AGBL4: variants seen among roughly 807,000 people sequenced by gnomAD.
The protein encoded by AGBL4 is AGBL carboxypeptidase 4.
Under a neutral mutation model 66.4 loss-of-function variants are expected in AGBL4, and 58 were observed. The ratio of observed to expected loss-of-function variants is 0.87; its 90% CI spans 0.71 to 1.09. The LOEUF (loss-of-function observed/expected upper bound fraction) is 1.09. Among genes scored for constraint, AGBL4 ranks in the 50% least tolerant of loss-of-function variants. The probability of loss-of-function intolerance (pLI) is 0.00; values close to 1 mark genes in which losing one functional copy is unlikely to be tolerated. For missense variants in AGBL4, 579 were observed against 631.0 expected (o/e 0.92, Z 0.88); for synonymous variants, 234 against 222.9 (o/e 1.05, Z -0.44).
chr1:48,776,368 C>A (rs1254578999), intron 6 of AGBL4, among the ~76,000 whole-genome samples: 2 of 152,212 alleles, frequency 1.3e-5, no homozygotes, highest in Non-Finnish European at 2.9e-5. Flanking sequence ...TGAAGACGGA[C>A]TGACAGCGCG....
chr1:50,008,007 GA>G (rs55656038), intron 1 of AGBL4, among the ~76,000 whole-genome samples: 48,591 of 151,934 alleles, frequency 0.32, 8,472 homozygotes, highest in East Asian at 0.73. Context: ...CCCCACACTG[GA>G]GCACCCAGAT....
At chr1:49,438,030 C>A (rs1645942467) in intron 3 of AGBL4, among the ~76,000 whole-genome samples, 1 of 152,160 alleles carries the variant, frequency 6.6e-6, no homozygotes, top group Non-Finnish European at 1.5e-5. Context: ...TACAGAAAGG[C>A]TAAACGACTT....
intron 11 of AGBL4, among the ~76,000 whole-genome samples, chr1:48,546,569 T>G (rs902246070): frequency 1.3e-5 from 2 of 151,408 alleles, no homozygotes; most frequent in African/African-American, 4.9e-5. Flanking sequence ...CCGCGTAGAG[T>G]GGAAGGTGAC....
rs191488991 is a variant in AGBL4 at position 49,598,512 on chromosome 1, G to A, written c.282+98801C>T. Among the ~76,000 whole-genome samples the A allele has an allele frequency of 1.2e-3, 181 of 152,302 alleles. 1 individual carries two copies. The highest frequency in any genetic ancestry group is 5.4e-3 in the East Asian group (28 of 5,170). On this transcript the variant is annotated intron_variant, in intron 3 of 13. Coordinates refer to ENST00000371839, the MANE Select transcript of AGBL4 (RefSeq NM_032785.4). ...CCCTGTTTGCCTGGGTATCAGCAGCGGTGGCTGGAGAACAGCGGATTTTCG... is the reference window on the plus strand; with the variant it reads ...CCCTGTTTGCCTGGGTATCAGCAGCAGTGGCTGGAGAACAGCGGATTTTCG...
intron 6 of AGBL4, among the ~76,000 whole-genome samples, chr1:48,735,506 G>A (rs1648890466): frequency 6.6e-6 from 1 of 150,854 alleles, no homozygotes; most frequent in Non-Finnish European, 1.5e-5. Context: ...GAGGAAGGAA[G>A]GAGGGAAGAA....
intron 6 of AGBL4, among the ~76,000 whole-genome samples, chr1:48,860,393 G>A (rs1248950900): frequency 6.6e-6 from 1 of 152,188 alleles, no homozygotes; most frequent in African/African-American, 2.4e-5. Flanking sequence ...ATGCAAAAGG[G>A]TAAGTGGTTC....
intron 1 of AGBL4, among the ~76,000 whole-genome samples, chr1:49,897,427 T>C (rs571901733): frequency 8.6e-5 from 13 of 151,928 alleles, no homozygotes; most frequent in Non-Finnish European, 1.6e-4. Context: ...AAATAAAAAC[T>C]ATAAAAAATT....
chr1:48,984,754 G>A (rs773391963), intron 5 of AGBL4, among the ~76,000 whole-genome samples: 9 of 151,630 alleles, frequency 5.9e-5, no homozygotes, highest in Admixed American at 2.6e-4. Flanking sequence ...TCTGACCTAC[G>A]GTGAAAGTTG....
At chr1:49,895,650 C>T (rs948680205) in intron 1 of AGBL4, among the ~76,000 whole-genome samples, 2 of 151,946 alleles carry the variant, frequency 1.3e-5, no homozygotes, top group Non-Finnish European at 2.9e-5. Flanking sequence ...AAGTTGTCAT[C>T]AGTTGAGAAT....
chr1:49,045,435 T>C (rs961119712), intron 5 of AGBL4, 149 bp downstream of exon 5: 11 of 583,620 alleles, frequency 1.9e-5, no homozygotes, highest in Admixed American at 9.8e-5. Flanking sequence ...ATACTAATTA[T>C]ATAATTGTTT....
chr1:49,514,465 G>A (rs905746577), intron 3 of AGBL4, among the ~76,000 whole-genome samples: 1 of 151,878 alleles, frequency 6.6e-6, no homozygotes, highest in African/African-American at 2.4e-5. Context: ...TACTGCCCAA[G>A]GTAATTTATA....
intron 6 of AGBL4, among the ~76,000 whole-genome samples, chr1:48,809,344 T>C (rs1645998829): frequency 6.6e-6 from 1 of 152,188 alleles, no homozygotes; most frequent in South Asian, 2.1e-4. Context: ...TATTTCTTGT[T>C]CTGACAGCTT....
At chr1:48,528,897 C>T (rs1168081520), downstream of AGBL4, among the ~76,000 whole-genome samples, 7 of 152,028 alleles carry the variant, frequency 4.6e-5, no homozygotes, top group Non-Finnish European at 4.4e-5. Flanking sequence ...CTTGTAGAAT[C>T]TATTTCCCCC....
At chr1:48,702,100 CTG>C (rs1040504001) in intron 6 of AGBL4, among the ~76,000 whole-genome samples, 7 of 152,138 alleles carry the variant, frequency 4.6e-5, no homozygotes, top group African/African-American at 1.7e-4. Context: ...CCATGCCAAA[CTG>C]TGTGAAAACA....
chr1:48,885,444 C>T (rs1177412550), intron 5 of AGBL4, among the ~76,000 whole-genome samples: 1 of 152,170 alleles, frequency 6.6e-6, no homozygotes, highest in Non-Finnish European at 1.5e-5. Context: ...TTAGACCCAA[C>T]AGCCAACTTG....
chr1:49,692,419 C>T (rs1402591445), intron 3 of AGBL4, among the ~76,000 whole-genome samples: 1 of 152,042 alleles, frequency 6.6e-6, no homozygotes, highest in Non-Finnish European at 1.5e-5. Flanking sequence ...AGAATGGAGA[C>T]TAAAGAAGCA....
At chr1:48,600,488 C>T (rs1323893982) in intron 9 of AGBL4, among the ~76,000 whole-genome samples, 1 of 152,182 alleles carries the variant, frequency 6.6e-6, no homozygotes, top group African/African-American at 2.4e-5. Context: ...TGGCAGAGCC[C>T]AAGCAGTCTG....
At chr1:48,802,482 C>T (rs1339095612) in intron 6 of AGBL4, among the ~76,000 whole-genome samples, 2 of 152,158 alleles carry the variant, frequency 1.3e-5, no homozygotes, top group South Asian at 2.1e-4. Context: ...CATTCCTTTC[C>T]TCTCAGTGTC....
intron 3 of AGBL4, among the ~76,000 whole-genome samples, chr1:49,446,158 T>A (rs1292345398): frequency 6.6e-6 from 1 of 152,206 alleles, no homozygotes. Context: ...GCCCATATTT[T>A]ACATTCTTTA....
Sources: gnomAD v4.1 joint callset for allele counts (sites outside exome capture counted in the v4.1 genomes callset) on GRCh38, gnomAD v4.1.1 for gene constraint, MANE v1.5 for transcripts, NCBI Gene and HGNC (gene_info 2026-07-23, HGNC 2026-07-21) for gene names.